IRS1: variants seen among roughly 807,000 people sequenced by gnomAD.
IRS1 encodes the protein insulin receptor substrate 1.
IRS1 carries 34 observed loss-of-function variants against 65.6 expected under a neutral mutation model. That is an observed-to-expected ratio of 0.52 (90% CI 0.39 to 0.69). The LOEUF (loss-of-function observed/expected upper bound fraction) is 0.69. IRS1 is among the 30% of genes least tolerant of loss of function. IRS1 has a pLI of 0.00. For missense variants in IRS1, 1,641 were observed against 1,720.2 expected, an observed-to-expected ratio of 0.95 and a Z score of 0.81; for synonymous variants, 699 against 683.5, an observed-to-expected ratio of 1.02 and a Z score of -0.35.
At chr2:226,784,938 C>T (rs1939459547) in intron 1 of IRS1, among the ~76,000 whole-genome samples, 1 of 152,168 alleles carries the variant, frequency 6.6e-6, no homozygotes, top group South Asian at 2.1e-4. Flanking sequence ...GGTAGATTCT[C>T]CTTATTCCAT....
chr2:226,754,078 T>C (rs896849019), intron 1 of IRS1, among the ~76,000 whole-genome samples: 2 of 152,176 alleles, frequency 1.3e-5, no homozygotes, highest in Non-Finnish European at 1.5e-5. Context: ...GGTCTCAAAC[T>C]CCTGGGCTCA....
chr2:226,785,511 G>A (rs1397232330), intron 1 of IRS1, among the ~76,000 whole-genome samples: 1 of 152,222 alleles, frequency 6.6e-6, no homozygotes, highest in Non-Finnish European at 1.5e-5. Context: ...GATGAGGCTG[G>A]AGAATGGCTT....
chr2:226,784,368 G>A (rs1033189096), intron 1 of IRS1, among the ~76,000 whole-genome samples: 8 of 152,002 alleles, frequency 5.3e-5, no homozygotes, highest in East Asian at 1.9e-4. Context: ...CCAAAAAAAC[G>A]ATCAAACACT....
At chr2:226,758,771 G>A (rs1938853533) in intron 1 of IRS1, among the ~76,000 whole-genome samples, 1 of 152,096 alleles carries the variant, frequency 6.6e-6, no homozygotes, top group South Asian at 2.1e-4. Flanking sequence ...TCAGTGAAGG[G>A]ATGAGGTTAA....
chr2:226,771,167 T>G (rs1386774939), intron 1 of IRS1, among the ~76,000 whole-genome samples: 1 of 152,172 alleles, frequency 6.6e-6, no homozygotes, highest in Non-Finnish European at 1.5e-5. Flanking sequence ...GAGTGGTATA[T>G]GTAAATATGA....
intron 1 of IRS1, among the ~76,000 whole-genome samples, chr2:226,753,469 G>T (rs1395415974): frequency 6.6e-6 from 1 of 152,164 alleles, no homozygotes; most frequent in Non-Finnish European, 1.5e-5. Context: ...GCCATGAAAT[G>T]TAATTTTCTG....
At chr2:226,787,678 G>A (rs748924416) in intron 1 of IRS1, among the ~76,000 whole-genome samples, 19 of 152,272 alleles carry the variant, frequency 1.2e-4, no homozygotes, top group Non-Finnish European at 2.8e-4. Context: ...TGAGAAATGG[G>A]TGGTGGGCTT....
chr2:226,796,445 T>A lies in IRS1; in HGVS notation c.2294A>T (p.Tyr765Phe), dbSNP rs1939728011. The A allele has an allele frequency of 2.5e-6, 4 of 1,613,510 alleles. No homozygotes were observed. Among genetic ancestry groups the A allele is most frequent in the Non-Finnish European group, 3.4e-6 (4 of 1,180,020 alleles). The part of the protein sequence containing the change: ...DPQHKPVLSY[Y>F]SLPRSFKHTQ... Reference sequence around the variant, plus strand: ...GTGCTTAAAGGATCTTGGCAATGAGTAGTAGGAGAGGACTGGCTTGTGCTG... The same window carrying A: ...GTGCTTAAAGGATCTTGGCAATGAGAAGTAGGAGAGGACTGGCTTGTGCTG... Residue 765 changes from tyrosine (Y) to phenylalanine (F), a missense_variant, in exon 1 of 2, where the codon TAC becomes TTC. This residue lies in a region of IRS1 where 1,324 missense variants were observed against 1,361.0 expected (regional missense o/e 0.97). Coordinates refer to ENST00000305123, the MANE Select transcript of IRS1 (RefSeq NM_005544.3).
At chr2:226,784,178 G>A (rs921114786) in intron 1 of IRS1, among the ~76,000 whole-genome samples, 8 of 152,052 alleles carry the variant, frequency 5.3e-5, no homozygotes, top group African/African-American at 1.9e-4. Flanking sequence ...TTTGGTTGTG[G>A]TTTGTTACAT....
At chr2:226,758,185 T>C (rs551623436) in intron 1 of IRS1, among the ~76,000 whole-genome samples, 1 of 152,336 alleles carries the variant, frequency 6.6e-6, no homozygotes, top group Non-Finnish European at 1.5e-5. Flanking sequence ...AGGACTCATG[T>C]ATGAAGGTTG....
In IRS1 at chr2:226,734,017, G is replaced by T. The variant is rs1938279359; in HGVS notation, c.*2255C>A. 1 of 152,128 alleles carries T rather than the reference G, an allele frequency of 6.6e-6. No homozygotes were observed. Among genetic ancestry groups the T allele is most frequent in the African/African-American group, 2.4e-5 (1 of 41,424 alleles). 9.4% of individuals were successfully genotyped at this position (152,128 alleles called of 1,614,324 possible). A position where few individuals can be genotyped will look rare whatever the true frequency, so the allele number is the denominator to read the frequency against. ...TCGGTAACACATATTCAAAGTGTAG[G>T]TTCCTTGAGAAATAATAACCAGCTT... On this transcript the variant is annotated 3_prime_UTR_variant, in exon 2 of 2. Transcript: ENST00000305123.
At chr2:226,743,112 CTATAG>C (rs1041501017) in intron 1 of IRS1, among the ~76,000 whole-genome samples, 23 of 151,488 alleles carry the variant, frequency 1.5e-4, no homozygotes, top group African/African-American at 5.6e-4. Flanking sequence ...TTTACCAATA[CTATAG>C]TTTGTCCTAT....
chr2:226,736,416 T>C (rs1432448257), intron 1 of IRS1, among the ~76,000 whole-genome samples, 166 bp from the exon 2 acceptor site: 3 of 152,202 alleles, frequency 2.0e-5, no homozygotes, highest in Admixed American at 2.0e-4. Flanking sequence ...TAGCTTTTTA[T>C]TTATTTCAAA....
At chr2:226,776,995 G>A (rs752970652) in intron 1 of IRS1, among the ~76,000 whole-genome samples, 1 of 152,144 alleles carries the variant, frequency 6.6e-6, no homozygotes, top group Middle Eastern at 3.4e-3. Flanking sequence ...CCTCAAAACT[G>A]TCAAGGTCAT....
At chr2:226,768,900 G>A (rs1334524531) in intron 1 of IRS1, among the ~76,000 whole-genome samples, 1 of 152,164 alleles carries the variant, frequency 6.6e-6, no homozygotes, top group Non-Finnish European at 1.5e-5. Flanking sequence ...CTCCCAAAGT[G>A]CTGGGATTAC....
chr2:226,789,690 A>C (rs1166673725), intron 1 of IRS1, among the ~76,000 whole-genome samples: 1 of 152,076 alleles, frequency 6.6e-6, no homozygotes, highest in East Asian at 1.9e-4. Flanking sequence ...GTTAAAGCTT[A>C]CTCTATAGTG....
At chr2:226,745,960 T>A (rs181541615) in intron 1 of IRS1, among the ~76,000 whole-genome samples, 1 of 152,280 alleles carries the variant, frequency 6.6e-6, no homozygotes, top group Non-Finnish European at 1.5e-5. Context: ...GCAGTAGTAG[T>A]AAGGCTAAAG....
intron 1 of IRS1, among the ~76,000 whole-genome samples, chr2:226,759,708 CT>C (rs1326547586): frequency 6.6e-6 from 1 of 152,060 alleles, no homozygotes; most frequent in Non-Finnish European, 1.5e-5. Flanking sequence ...AATAAACACC[CT>C]TTTTTGATAT....
At chr2:226,788,267 T>A (rs1939524511) in intron 1 of IRS1, among the ~76,000 whole-genome samples, 1 of 152,108 alleles carries the variant, frequency 6.6e-6, no homozygotes, top group Non-Finnish European at 1.5e-5. Context: ...AATAAAACAT[T>A]CCTGGTAGAG....
Sources: allele counts gnomAD v4.1 joint callset (sites outside exome capture counted in the v4.1 genomes callset), GRCh38; gene constraint gnomAD v4.1.1; regional missense constraint gnomAD v4.1.1; transcripts MANE v1.5; gene names NCBI Gene and HGNC (gene_info 2026-07-23, HGNC 2026-07-21).